Variants in RASGEF1C observed in about 807,000 individuals in gnomAD.
RASGEF1C encodes the protein RasGEF domain family member 1C, also known as ras-GEF domain-containing family member 1C.
In RASGEF1C, 27 loss-of-function variants were observed where a neutral mutation model predicts 58.1. The ratio of observed to expected loss-of-function variants is 0.46; its 90% CI spans 0.34 to 0.64. The LOEUF is 0.64. RASGEF1C is among the 30% of genes least tolerant of loss of function. The pLI, the probability that RASGEF1C is intolerant of heterozygous loss-of-function variation, is 0.01. For missense variants in RASGEF1C, 502 were observed against 605.1 expected, an observed-to-expected ratio of 0.83 and a Z score of 1.79; for synonymous variants, 243 against 246.3, an observed-to-expected ratio of 0.99 and a Z score of 0.13.
At chr5:180,132,126 G>A (rs1051477752) in intron 4 of RASGEF1C, among the ~76,000 whole-genome samples, 7 of 152,204 alleles carry the variant, frequency 4.6e-5, no homozygotes, top group African/African-American at 1.7e-4. Context: ...ACTATCGTGG[G>A]TCCATGTTTA....
At chr5:180,135,215 C>T (rs1208985981) in intron 4 of RASGEF1C, 1 of 152,244 alleles carries the variant, frequency 6.6e-6, no homozygotes, top group Non-Finnish European at 1.5e-5. Context: ...AAACCACTCT[C>T]ACCTCACTGA....
rs1450170171 is a variant in RASGEF1C at position 180,177,826 on chromosome 5, G to A, written c.-7+31202C>T. Among the ~76,000 whole-genome samples, 2 of 152,192 alleles carry A rather than the reference G, an allele frequency of 1.3e-5. No individual in the cohort carries two copies. Among genetic ancestry groups the A allele is most frequent in the South Asian group, 2.1e-4 (1 of 4,816 alleles). On this transcript the variant is annotated intron_variant, in intron 1 of 13. Transcript: ENST00000361132. The surrounding 1 kb of genome is among the most constrained non-coding windows in gnomAD (Gnocchi z 5.0). ...AGCAGAGCCTCTCTCTCTGCTCAGG[G>A]CAAGGTAAGGACAGGAAGTAAGTAT...
intron 1 of RASGEF1C, among the ~76,000 whole-genome samples, chr5:180,164,430 G>A (rs1002803044): frequency 1.3e-5 from 2 of 152,128 alleles, no homozygotes; most frequent in Admixed American, 1.3e-4. Context: ...ACAATGTGAT[G>A]TTTTGATATA....
At chr5:180,142,886 TGG>T (rs1449257244) in intron 1 of RASGEF1C, among the ~76,000 whole-genome samples, 1 of 151,284 alleles carries the variant, frequency 6.6e-6, no homozygotes, top group Non-Finnish European at 1.5e-5. Context: ...ATGGTGAGGC[TGG>T]GGGCACGTGC....
At chr5:180,148,349 A>G (rs1421075243) in intron 1 of RASGEF1C, among the ~76,000 whole-genome samples, 1 of 151,344 alleles carries the variant, frequency 6.6e-6, no homozygotes, top group Non-Finnish European at 1.5e-5. Flanking sequence ...TTTTTAAATA[A>G]TAACTGTTAA....
intron 1 of RASGEF1C, among the ~76,000 whole-genome samples, chr5:180,142,490 A>G (rs1184434908): frequency 3.3e-5 from 5 of 152,160 alleles, no homozygotes; most frequent in Non-Finnish European, 7.3e-5. Context: ...AATAAAGGGG[A>G]CAAGCTGTGG....
rs778237415 is a variant in RASGEF1C at position 180,111,505 on chromosome 5, C to G, written c.1255G>C (p.Ala419Pro). The change falls in exon 12 of 14, where the codon GCC becomes CCC. Residue 419 changes from alanine (A) to proline (P), a missense_variant. Ala to Pro is a conservative substitution (Grantham distance 27). Coordinates refer to ENST00000361132, the MANE Select transcript of RASGEF1C (RefSeq NM_175062.4). ...KQVECPFEQD[A>P]SITHYLYTAP... Reference sequence around the variant, plus strand: ...GTGTACAGGTAGTGGGTGATGCTGGCGTCTTGCTCGAAGGGACACTCCACT... The same window carrying G: ...GTGTACAGGTAGTGGGTGATGCTGGGGTCTTGCTCGAAGGGACACTCCACT... The G allele has an allele frequency of 6.2e-7, 1 of 1,614,202 alleles. No individual in the cohort carries two copies. Among genetic ancestry groups the G allele is most frequent in the Non-Finnish European group, 8.5e-7 (1 of 1,180,028 alleles).
chr5:180,143,209 C>A lies in RASGEF1C; in HGVS notation c.-6-5151G>T, dbSNP rs1246255879. ...CACCCTGCAGGGGGGCACTCTGATG[C>A]CTGCCAGCACCCAGCTGGGCATCCT... is the stretch of plus-strand genomic sequence containing the variant. On this transcript the variant is annotated intron_variant, in intron 1 of 13. Transcript: ENST00000361132. This position sits in a 1 kb window ranked among gnomAD's most constrained non-coding sequence, Gnocchi z 4.3. 1.3e-5 allele frequency among the ~76,000 whole-genome samples: 2 copies of A among 152,302 alleles called. No homozygotes were observed. Among genetic ancestry groups the A allele is most frequent in the East Asian group, 1.9e-4 (1 of 5,174 alleles).
At chr5:180,152,355 C>G (rs1051330118) in intron 1 of RASGEF1C, among the ~76,000 whole-genome samples, 24 of 152,232 alleles carry the variant, frequency 1.6e-4, no homozygotes, top group Admixed American at 1.4e-3. Flanking sequence ...AAATGTGGCA[C>G]ATATACACCA....
chr5:180,133,235 G>A (rs73350871), intron 4 of RASGEF1C, among the ~76,000 whole-genome samples: 2,334 of 152,270 alleles, frequency 0.015, 61 homozygotes, highest in African/African-American at 0.053. Context: ...AAGGCTTCCC[G>A]GGACTCCCCA....
At chr5:180,183,298 A>G (rs760587345) in intron 1 of RASGEF1C, among the ~76,000 whole-genome samples, 3 of 152,212 alleles carry the variant, frequency 2.0e-5, no homozygotes, top group Non-Finnish European at 4.4e-5. Context: ...ACTCATGAAA[A>G]TTCTAAAATA....
chr5:180,159,069 T>C (rs1051444712), intron 1 of RASGEF1C, among the ~76,000 whole-genome samples: 1 of 152,026 alleles, frequency 6.6e-6, no homozygotes, highest in African/African-American at 2.4e-5. Context: ...CTTTTTGTTC[T>C]TTTTTTCAGA....
At chr5:180,110,644 A>G (rs1316584971) in intron 12 of RASGEF1C, among the ~76,000 whole-genome samples, 1 of 152,070 alleles carries the variant, frequency 6.6e-6, no homozygotes, top group Non-Finnish European at 1.5e-5. Context: ...AAGCAAACCT[A>G]CATCTGACAA....
rs57606278 is a variant in RASGEF1C at position 180,168,860 on chromosome 5, G to A, written c.-6-30802C>T. Among the ~76,000 whole-genome samples the A allele has an allele frequency of 6.6e-6, 1 of 152,216 alleles. No individual in the cohort carries two copies. Among genetic ancestry groups the A allele is most frequent in the Admixed American group, 6.5e-5 (1 of 15,284 alleles). On this transcript the variant is annotated intron_variant, in intron 1 of 13. Transcript: ENST00000361132. The surrounding 1 kb of genome is among the most constrained non-coding windows in gnomAD (Gnocchi z 6.0). Reference sequence around the variant, plus strand: ...TCCCGTTCCTCAAACCAGAAGCAGAGGGTTTCTCCTGGAGTTCACTGTCAG... The same window carrying A: ...TCCCGTTCCTCAAACCAGAAGCAGAAGGTTTCTCCTGGAGTTCACTGTCAG...
chr5:180,125,840 A>G (rs1766247711), intron 6 of RASGEF1C, among the ~76,000 whole-genome samples: 1 of 152,178 alleles, frequency 6.6e-6, no homozygotes, highest in Non-Finnish European at 1.5e-5. Flanking sequence ...AATATAATCC[A>G]TATAACCAAA....
chr5:180,161,509 C>T (rs10078173), intron 1 of RASGEF1C, among the ~76,000 whole-genome samples: 25,454 of 152,260 alleles, frequency 0.17, 2,350 homozygotes, highest in African/African-American at 0.23. Flanking sequence ...GGGCCATCGC[C>T]GTGGCGTCTT....
Position 180,147,482 on chromosome 5 carries a change from T to A in RASGEF1C, c.-6-9424A>T, listed in dbSNP as rs534672442. ...GACAGTTTTTGCTGTATCCCATGTTTTAGTATGTTGTGTTTTCATTTTCAT... is the reference window on the plus strand; with the variant it reads ...GACAGTTTTTGCTGTATCCCATGTTATAGTATGTTGTGTTTTCATTTTCAT... On this transcript the variant is annotated intron_variant, in intron 1 of 13. Transcript: ENST00000361132. 2.0e-4 allele frequency among the ~76,000 whole-genome samples: 31 copies of A among 152,292 alleles called. No individual in the cohort carries two copies. In the South Asian group the frequency reaches 6.2e-3, roughly 31 times the overall value.
At chr5:180,174,586 ACG>A (rs1491200766) in intron 1 of RASGEF1C, among the ~76,000 whole-genome samples, 2 of 115,250 alleles carry the variant, frequency 1.7e-5, no homozygotes, top group Admixed American at 8.4e-5. Context: ...GTGTGTGCGC[ACG>A]TGTGTGTGTG....
At chr5:180,107,007 T>C (rs1408962962) in intron 12 of RASGEF1C, among the ~76,000 whole-genome samples, 2 of 152,246 alleles carry the variant, frequency 1.3e-5, no homozygotes, top group Non-Finnish European at 2.9e-5. Flanking sequence ...CTATTATTAC[T>C]GTATAATGTC....
Sources: allele counts gnomAD v4.1 joint callset (sites outside exome capture counted in the v4.1 genomes callset), GRCh38; gene constraint gnomAD v4.1.1; non-coding constraint Gnocchi (gnomAD v3.1); transcripts MANE v1.5; gene names NCBI Gene and HGNC (gene_info 2026-07-23, HGNC 2026-07-21).